CNIH3: variants seen among roughly 807,000 people sequenced by gnomAD.
The protein encoded by CNIH3 is cornichon family AMPA receptor auxiliary protein 3.
In CNIH3, 14 loss-of-function variants were observed where a neutral mutation model predicts 24.1. The ratio of observed to expected loss-of-function variants is 0.58; its 90% CI spans 0.38 to 0.91. The LOEUF (loss-of-function observed/expected upper bound fraction) is 0.91. Ranked by LOEUF, CNIH3 falls within the 40% of genes least tolerant of loss-of-function variation. The probability of loss-of-function intolerance (pLI) is 0.00; values close to 1 mark genes in which losing one functional copy is unlikely to be tolerated. For synonymous variants in CNIH3, 68 were observed against 73.8 expected, an observed-to-expected ratio of 0.92 and a Z score of 0.40; for missense variants, 178 against 196.8, an observed-to-expected ratio of 0.90 and a Z score of 0.57.
In CNIH3 at chr1:224,703,925, C is replaced by A. The variant is rs1388019991; in HGVS notation, c.198+19082C>A. 2.6e-5 allele frequency among the ~76,000 whole-genome samples: 4 copies of A among 152,214 alleles called. No individual in the cohort carries two copies. Among genetic ancestry groups the A allele is most frequent in the Admixed American group, 2.6e-4 (4 of 15,280 alleles). On this transcript the variant is annotated intron_variant, in intron 3 of 5. Coordinates refer to ENST00000272133, the MANE Select transcript of CNIH3 (RefSeq NM_152495.2). This position sits in a 1 kb window ranked among gnomAD's most constrained non-coding sequence, Gnocchi z 4.2. The stretch of plus-strand genomic sequence containing the variant: ...CGCTGCTGCTCTGCAGGCCTCCCAC[C>A]TCAGCCTACGACGTATTCCAACTCA...
intron 1 of CNIH3, among the ~76,000 whole-genome samples, chr1:224,674,878 A>G (rs1237082053): frequency 6.6e-6 from 1 of 151,766 alleles, no homozygotes; most frequent in Non-Finnish European, 1.5e-5. Flanking sequence ...TACTGATATA[A>G]CTTGATCCTT....
At chr1:224,553,993 G>A (rs2124971321) in intron 3 of CNIH3, among the ~76,000 whole-genome samples, 1 of 152,192 alleles carries the variant, frequency 6.6e-6, no homozygotes, top group South Asian at 2.1e-4. Flanking sequence ...TCATTACATA[G>A]CCTTGTAAAA....
At chr1:224,625,435 A>T (rs542312334) in intron 1 of CNIH3, among the ~76,000 whole-genome samples, 1 of 152,178 alleles carries the variant, frequency 6.6e-6, no homozygotes, top group Non-Finnish European at 1.5e-5. Context: ...GGGCGCCTAT[A>T]GTCCCAGCTA....
chr1:224,504,742 C>T (rs534648601), intron 1 of CNIH3, among the ~76,000 whole-genome samples: 1 of 152,328 alleles, frequency 6.6e-6, no homozygotes, highest in South Asian at 2.1e-4. Flanking sequence ...CATCTTAACT[C>T]TGTGACCTTG....
intron 1 of CNIH3, among the ~76,000 whole-genome samples, chr1:224,674,131 A>G (rs1686009018): frequency 6.6e-6 from 1 of 152,200 alleles, no homozygotes; most frequent in Non-Finnish European, 1.5e-5. Flanking sequence ...GCCTTCAGAA[A>G]TAAGAGGAGC....
intron 3 of CNIH3, among the ~76,000 whole-genome samples, chr1:224,719,784 T>C (rs1247052222): frequency 6.6e-6 from 1 of 152,236 alleles, no homozygotes; most frequent in Non-Finnish European, 1.5e-5. Context: ...TACTACTATT[T>C]TCACTAAGAC....
chr1:224,578,696 C>T (rs1406937195), intron 4 of CNIH3, among the ~76,000 whole-genome samples: 2 of 152,306 alleles, frequency 1.3e-5, no homozygotes, highest in East Asian at 3.9e-4. Flanking sequence ...TTTGACTCTA[C>T]AAAATTTTGG....
intron 2 of CNIH3, among the ~76,000 whole-genome samples, chr1:224,534,584 G>A (rs1274251169): frequency 1.3e-5 from 2 of 152,214 alleles, no homozygotes; most frequent in Admixed American, 6.5e-5. Context: ...TTAGAACAGA[G>A]ATTATTTTTC....
At chr1:224,695,357 AACACACACACACACACACACAC>A (rs56245587) in intron 3 of CNIH3, among the ~76,000 whole-genome samples, 1 of 145,740 alleles carries the variant, frequency 6.9e-6, no homozygotes, top group Non-Finnish European at 1.5e-5. Flanking sequence ...TCTCTTTCTA[AACACACACACACACACACACAC>A]ACACACACAC....
downstream of CNIH3, among the ~76,000 whole-genome samples, chr1:224,540,955 C>T (rs953633019): frequency 3.9e-5 from 6 of 152,184 alleles, no homozygotes; most frequent in Admixed American, 6.5e-5. Flanking sequence ...GAAGATAGAA[C>T]GCATTTTCTT....
At chr1:224,658,311 G>A (rs1362874393) in intron 1 of CNIH3, among the ~76,000 whole-genome samples, 2 of 152,072 alleles carry the variant, frequency 1.3e-5, no homozygotes, top group East Asian at 3.9e-4. Flanking sequence ...GACTACAGGT[G>A]TGTGTCACCA....
intron 4 of CNIH3, among the ~76,000 whole-genome samples, chr1:224,581,762 T>C (rs1248374956): frequency 1.3e-5 from 2 of 152,204 alleles, no homozygotes; most frequent in Non-Finnish European, 2.9e-5. Context: ...CGGAAGATGA[T>C]TTAAGGTCAA....
intron 3 of CNIH3, among the ~76,000 whole-genome samples, chr1:224,553,092 A>G (rs1199548855): frequency 1.3e-5 from 2 of 148,588 alleles, no homozygotes; most frequent in Non-Finnish European, 3.0e-5. Flanking sequence ...TATTAGGAGT[A>G]ATATATCTCT....
chr1:224,598,911 T>C (rs77062894), intron 3 of CNIH3, among the ~76,000 whole-genome samples: 4,370 of 152,232 alleles, frequency 0.029, 193 homozygotes, highest in African/African-American at 0.091. Context: ...GCAACCAATC[T>C]CACAGTATCT....
intron 1 of CNIH3, among the ~76,000 whole-genome samples, chr1:224,452,411 A>G (rs895442588): frequency 3.3e-5 from 5 of 151,914 alleles, no homozygotes; most frequent in African/African-American, 1.2e-4. Flanking sequence ...CAGCCTTACA[A>G]AGTGCTGGGA....
chr1:224,681,972 T>C (rs1275274937), intron 2 of CNIH3, among the ~76,000 whole-genome samples: 1 of 152,144 alleles, frequency 6.6e-6, no homozygotes, highest in African/African-American at 2.4e-5. Flanking sequence ...TTGTTGACCT[T>C]TTCAGCCAGA....
At chr1:224,649,654 A>C (rs1684774018) in intron 1 of CNIH3, among the ~76,000 whole-genome samples, 1 of 152,176 alleles carries the variant, frequency 6.6e-6, no homozygotes, top group Non-Finnish European at 1.5e-5. Flanking sequence ...CTTCATTTGG[A>C]TAGTTAGAAA....
chr1:224,496,621 G>A (rs1015344508), intron 1 of CNIH3, among the ~76,000 whole-genome samples: 8 of 152,088 alleles, frequency 5.3e-5, no homozygotes, highest in Non-Finnish European at 1.2e-4. Flanking sequence ...GACAGGTAGC[G>A]ACTTATACTT....
At chr1:224,734,980 A>C (rs982670733) in intron 5 of CNIH3, among the ~76,000 whole-genome samples, 2 of 152,096 alleles carry the variant, frequency 1.3e-5, no homozygotes, top group Non-Finnish European at 2.9e-5. Context: ...CCCTTTGGAG[A>C]TAACTGGTGA....
Sources: allele counts gnomAD v4.1 joint callset (sites outside exome capture counted in the v4.1 genomes callset), GRCh38; gene constraint gnomAD v4.1.1; non-coding constraint Gnocchi (gnomAD v3.1); transcripts MANE v1.5; gene names NCBI Gene and HGNC (gene_info 2026-07-23, HGNC 2026-07-21).